Variants in CPNE2 observed in about 807,000 individuals in gnomAD.
The protein encoded by CPNE2 is copine 2.
A neutral mutation model predicts 69.7 loss-of-function variants in CPNE2; 42 were observed. The observed-to-expected ratio is 0.60, with a 90% CI of 0.47 to 0.78. The LOEUF is 0.78. Ranked by LOEUF, CPNE2 falls within the 30% of genes least tolerant of loss-of-function variation. The probability of loss-of-function intolerance (pLI) is 0.00; values close to 1 mark genes in which losing one functional copy is unlikely to be tolerated. For missense variants in CPNE2, 587 were observed against 732.0 expected, an observed-to-expected ratio of 0.80 and a Z score of 2.29; for synonymous variants, 294 against 289.8, an observed-to-expected ratio of 1.01 and a Z score of -0.15.
intron 14 of CPNE2, among the ~76,000 whole-genome samples, 180 bp downstream of exon 14, chr16:57,137,462 GCA>G (rs1214590741): frequency 6.6e-6 from 1 of 152,250 alleles, no homozygotes; most frequent in African/African-American, 2.4e-5. Flanking sequence ...GCTTCCTGGA[GCA>G]CAGACTGGAG....
At chr16:57,094,836 C>T (rs1296726940) in intron 1 of CPNE2, among the ~76,000 whole-genome samples, 1 of 152,132 alleles carries the variant, frequency 6.6e-6, no homozygotes, top group East Asian at 1.9e-4. Context: ...AGTGGTAGGT[C>T]TCATCCAGGT....
intron 13 of CPNE2, among the ~76,000 whole-genome samples, chr16:57,136,200 C>T (rs1367802319): frequency 6.6e-6 from 1 of 152,200 alleles, no homozygotes; most frequent in Non-Finnish European, 1.5e-5. Flanking sequence ...TTGGCTTCAA[C>T]ATAGCATCTA....
intron 1 of CPNE2, among the ~76,000 whole-genome samples, chr16:57,106,430 G>A (rs2069649036): frequency 6.6e-6 from 1 of 152,232 alleles, no homozygotes; most frequent in Non-Finnish European, 1.5e-5. Flanking sequence ...TGAGGCAGAG[G>A]GGCGGGGGTA....
chr16:57,112,081 C>T (rs1367288204), intron 2 of CPNE2, among the ~76,000 whole-genome samples: 3 of 152,176 alleles, frequency 2.0e-5, no homozygotes, highest in African/African-American at 4.8e-5. Flanking sequence ...AACTAGGCCA[C>T]GGTGGGAGTT....
At chr16:57,105,565 T>C (rs983333136) in intron 1 of CPNE2, among the ~76,000 whole-genome samples, 1 of 152,000 alleles carries the variant, frequency 6.6e-6, no homozygotes, top group Non-Finnish European at 1.5e-5. Context: ...CCTCCCAAAG[T>C]GCTGAGATTA....
chr16:57,096,498 C>T (rs2069578833), intron 1 of CPNE2, among the ~76,000 whole-genome samples: 1 of 151,980 alleles, frequency 6.6e-6, no homozygotes, highest in Non-Finnish European at 1.5e-5. Flanking sequence ...TCAAGACCAG[C>T]CTGGGCAACA....
rs140883383 is a variant in CPNE2, at chr16:57,118,958, G to T, written c.508-237G>T. 8.3e-3 allele frequency among the ~76,000 whole-genome samples: 1,256 copies of T among 152,036 alleles called. 19 individuals are homozygous for T. Among genetic ancestry groups the T allele is most frequent in the African/African-American group, 0.029 (1,214 of 41,446 alleles). On this transcript the variant is annotated intron_variant, in intron 5 of 15. Coordinates refer to ENST00000290776, the MANE Select transcript of CPNE2 (RefSeq NM_152727.6). ...AGTCTTGGAGGGTCTCTGAGCACAA[G>T]CTCTGACAGCCTCAGGGTGGGGGGT...
intron 6 of CPNE2, 118 bp downstream of exon 6, chr16:57,119,396 G>T: frequency 1.7e-6 from 2 of 1,160,458 alleles, no homozygotes; most frequent in South Asian, 2.5e-5. Context: ...ACCCACAGTG[G>T]CACCTGAGGG....
chr16:57,142,870 C>T (rs569619997), intron 14 of CPNE2: 31 of 152,344 alleles, frequency 2.0e-4, no homozygotes, highest in African/African-American at 6.3e-4. Flanking sequence ...TCAAATCAAA[C>T]GTTAAATGCA....
chr16:57,134,614 G>A (rs1193272043), intron 12 of CPNE2, among the ~76,000 whole-genome samples, 161 bp from the exon 13 acceptor site: 2 of 152,084 alleles, frequency 1.3e-5, no homozygotes, highest in Non-Finnish European at 2.9e-5. Flanking sequence ...AGCAGTGGAG[G>A]TGAAAAGCAG....
At chr16:57,128,279 G>A (rs2069814660) in intron 12 of CPNE2, among the ~76,000 whole-genome samples, 1 of 151,932 alleles carries the variant, frequency 6.6e-6, no homozygotes, top group South Asian at 2.1e-4. Flanking sequence ...GCCCAGGCTG[G>A]AGTGCAGTGG....
intron 10 of CPNE2, chr16:57,125,470 G>A (rs532198894): frequency 4.8e-6 from 2 of 414,988 alleles, no homozygotes; most frequent in Non-Finnish European, 9.8e-6. Flanking sequence ...AGTTGGGCCT[G>A]GAAGATGGAG....
intron 1 of CPNE2, among the ~76,000 whole-genome samples, chr16:57,097,555 C>T (rs1321291391): frequency 1.3e-5 from 2 of 152,210 alleles, no homozygotes; most frequent in African/African-American, 2.4e-5. Context: ...CTCTAGTTAG[C>T]AGCAGCTCCA....
At chr16:57,120,006 C>CT (rs2069749718) in intron 7 of CPNE2, among the ~76,000 whole-genome samples, 1 of 152,258 alleles carries the variant, frequency 6.6e-6, no homozygotes, top group Non-Finnish European at 1.5e-5. Flanking sequence ...AGTGCAGTGT[C>CT]TCATGCCTGT....
chr16:57,143,061 C>T (rs1329250145), intron 14 of CPNE2: 1 of 152,288 alleles, frequency 6.6e-6, no homozygotes, highest in East Asian at 1.9e-4. Flanking sequence ...ACAACAGAGC[C>T]TGCAGAGCCT....
intron 1 of CPNE2, among the ~76,000 whole-genome samples, chr16:57,095,179 G>A (rs766762523): frequency 6.6e-6 from 1 of 152,350 alleles, no homozygotes; most frequent in African/African-American, 2.4e-5. Context: ...TGCCAGACAC[G>A]GTGGTGTGGG....
intron 5 of CPNE2, among the ~76,000 whole-genome samples, chr16:57,118,290 C>T (rs567974215): frequency 4.6e-5 from 7 of 150,874 alleles, no homozygotes; most frequent in African/African-American, 1.5e-4. Flanking sequence ...CTCAGCCTCC[C>T]GAGTAGCTGG....
chr16:57,120,899 CTT>C (rs1323628270), intron 7 of CPNE2, among the ~76,000 whole-genome samples, 192 bp from the exon 8 acceptor site: 8 of 152,288 alleles, frequency 5.3e-5, no homozygotes, highest in African/African-American at 1.9e-4. Flanking sequence ...GGCAGACACA[CTT>C]TCTCCTTTTC....
At chr16:57,115,579 C>G (rs1320434448) in intron 4 of CPNE2, 29 bp downstream of exon 4, 5 of 1,512,700 alleles carry the variant, frequency 3.3e-6, no homozygotes, top group Non-Finnish European at 4.6e-6. Flanking sequence ...CTCTCCGCAC[C>G]CCCTCCATCC....
Sources: gnomAD v4.1 joint callset for allele counts (sites outside exome capture counted in the v4.1 genomes callset) on GRCh38, gnomAD v4.1.1 for gene constraint, MANE v1.5 for transcripts, NCBI Gene and HGNC (gene_info 2026-07-23, HGNC 2026-07-21) for gene names.